RBFOX1: variants seen among roughly 807,000 people sequenced by gnomAD.
RBFOX1 encodes the protein RNA binding protein fox-1 homolog 1.
Under a neutral mutation model 57.7 loss-of-function variants are expected in RBFOX1, and 8 were observed. The ratio of observed to expected loss-of-function variants is 0.14; its 90% CI spans 0.08 to 0.25. The LOEUF (loss-of-function observed/expected upper bound fraction) is 0.25. RBFOX1 is among the 10% of genes least tolerant of loss of function. RBFOX1 has a pLI of 1.00. For missense variants in RBFOX1, 611 were observed against 548.5 expected, an observed-to-expected ratio of 1.11 and a Z score of -1.14; for synonymous variants, 326 against 222.4, an observed-to-expected ratio of 1.47 and a Z score of -4.15.
At chr16:5,403,764 A>G (rs1201063114) in intron 1 of RBFOX1, among the ~76,000 whole-genome samples, 3 of 152,148 alleles carry the variant, frequency 2.0e-5, no homozygotes, top group East Asian at 1.9e-4. Context: ...GATGTCTTCT[A>G]TGTTGGTGCT....
intron 1 of RBFOX1, among the ~76,000 whole-genome samples, chr16:6,301,961 C>T (rs1433524744): frequency 6.6e-6 from 1 of 152,034 alleles, no homozygotes; most frequent in Non-Finnish European, 1.5e-5. Context: ...GTAAATGCCC[C>T]AATATCAAAC....
intron 3 of RBFOX1, among the ~76,000 whole-genome samples, chr16:6,833,156 T>G (rs1175864752): frequency 6.6e-6 from 1 of 151,820 alleles, no homozygotes; most frequent in Non-Finnish European, 1.5e-5. Flanking sequence ...TTATTTTATT[T>G]TATTTTATTT....
intron 2 of RBFOX1, among the ~76,000 whole-genome samples, chr16:6,359,043 C>T (rs547879431): frequency 1.3e-3 from 193 of 152,216 alleles, no homozygotes; most frequent in African/African-American, 4.2e-3. Context: ...GAATTAATCC[C>T]TAATAACAAA....
intron 4 of RBFOX1, among the ~76,000 whole-genome samples, chr16:7,084,537 C>T (rs748792367): frequency 2.6e-5 from 4 of 152,020 alleles, no homozygotes; most frequent in African/African-American, 9.7e-5. Flanking sequence ...GCAGCAATGC[C>T]CCAAAAGAAA....
intron 3 of RBFOX1, among the ~76,000 whole-genome samples, chr16:6,670,144 G>A (rs949018299): frequency 6.6e-6 from 1 of 152,042 alleles, no homozygotes; most frequent in African/African-American, 2.4e-5. Flanking sequence ...GTACCAAGTG[G>A]GCATGTTGTA....
At chr16:5,839,287 A>G (rs1294570862) in intron 3 of RBFOX1, among the ~76,000 whole-genome samples, 2 of 152,168 alleles carry the variant, frequency 1.3e-5, no homozygotes, top group Non-Finnish European at 2.9e-5. Context: ...AATCACAGCA[A>G]ATCAGAACCA....
At chr16:5,727,585 C>T (rs1292921835) in intron 3 of RBFOX1, among the ~76,000 whole-genome samples, 5 of 152,194 alleles carry the variant, frequency 3.3e-5, no homozygotes, top group African/African-American at 9.7e-5. Context: ...CCAGAACTTA[C>T]TTATCTTTTA....
chr16:5,820,063 G>A (rs1463564148), intron 3 of RBFOX1, among the ~76,000 whole-genome samples: 1 of 152,324 alleles, frequency 6.6e-6, no homozygotes, highest in East Asian at 1.9e-4. Flanking sequence ...CACTCACTGT[G>A]TCTGAGACAT....
chr16:6,969,547 C>T (rs549798658), intron 3 of RBFOX1, among the ~76,000 whole-genome samples: 2 of 151,256 alleles, frequency 1.3e-5, no homozygotes, highest in African/African-American at 2.4e-5. Context: ...CCACACTGGG[C>T]AACAAAATGA....
At chr16:6,871,659 A>G (rs541730970) in intron 3 of RBFOX1, among the ~76,000 whole-genome samples, 37 of 150,498 alleles carry the variant, frequency 2.5e-4, no homozygotes, top group African/African-American at 8.8e-4. Flanking sequence ...CAACACTTCT[A>G]AACTGGCCTT....
chr16:5,504,073 A>T (rs1198882165), intron 2 of RBFOX1, among the ~76,000 whole-genome samples: 1 of 152,146 alleles, frequency 6.6e-6, no homozygotes, highest in South Asian at 2.1e-4. Context: ...CTGGAGCAGC[A>T]TCTCCAGAGG....
At chr16:7,133,081 C>T (rs918875430) in intron 4 of RBFOX1, among the ~76,000 whole-genome samples, 6 of 152,004 alleles carry the variant, frequency 3.9e-5, no homozygotes, top group African/African-American at 1.5e-4. Context: ...CTTATTATGG[C>T]AAAACTATTT....
chr16:7,665,075 G>T, intron 13 of RBFOX1, 107 bp downstream of exon 13: 1 of 1,602,470 alleles, frequency 6.2e-7, no homozygotes, highest in South Asian at 1.1e-5. Context: ...TTCTCTCCTT[G>T]GTCTGTAGGA....
intron 4 of RBFOX1, among the ~76,000 whole-genome samples, chr16:7,181,773 C>G (rs2082760673): frequency 6.6e-6 from 1 of 152,088 alleles, no homozygotes; most frequent in Non-Finnish European, 1.5e-5. Flanking sequence ...GTTACCCAGG[C>G]TGGTCTCAGA....
chr16:6,257,852 C>T (rs377252340), intron 1 of RBFOX1, among the ~76,000 whole-genome samples: 1 of 152,078 alleles, frequency 6.6e-6, no homozygotes, highest in African/African-American at 2.4e-5. Flanking sequence ...GTTTCCATGT[C>T]TTTTCTACTG....
At chr16:7,047,591 A>C (rs2048400838) in intron 3 of RBFOX1, among the ~76,000 whole-genome samples, 3 of 146,324 alleles carry the variant, frequency 2.1e-5, no homozygotes, top group South Asian at 2.3e-4. Context: ...TGTCAAATGT[A>C]GGAAGTTTTC....
At position 7,361,917 on chromosome 16, in the gene RBFOX1, CAT is replaced by C. The variant is rs113769792; in HGVS notation, c.28-156227_28-156226del. Among the ~76,000 whole-genome samples, 16 of 140,862 alleles carry C rather than the reference CAT, an allele frequency of 1.1e-4. 2 individuals are homozygous for C. Among genetic ancestry groups the C allele is most frequent in the African/African-American group, 3.8e-4 (14 of 37,030 alleles). The allele number at this position is 140,862 out of a possible 152,430, so 92.4% of individuals were successfully genotyped here. A position where few individuals can be genotyped will look rare whatever the true frequency, so the allele number is the denominator to read the frequency against. On this transcript the variant is annotated intron_variant, in intron 4 of 15. Coordinates refer to ENST00000550418, the MANE Select transcript of RBFOX1 (RefSeq NM_018723.4). ...ATGTGTATTTTTTTGTGTTAGTTTGCATATGTGTGTTAGTGTGTATGTGTGTG... is the reference window on the plus strand; with the variant it reads ...ATGTGTATTTTTTTGTGTTAGTTTGCATGTGTGTTAGTGTGTATGTGTGTG...
intron 1 of RBFOX1, among the ~76,000 whole-genome samples, chr16:6,270,570 C>A (rs1052934086): frequency 6.6e-6 from 1 of 151,270 alleles, no homozygotes; most frequent in African/African-American, 2.4e-5. Context: ...AAACACAGAG[C>A]TACACAATAT....
chr16:7,522,286 C>T (rs960698719), intron 5 of RBFOX1, among the ~76,000 whole-genome samples: 2 of 152,094 alleles, frequency 1.3e-5, no homozygotes, highest in Non-Finnish European at 2.9e-5. Flanking sequence ...AAGAGAAAGA[C>T]AAGGACAGAA....
Sources: gnomAD v4.1 joint callset for allele counts (sites outside exome capture counted in the v4.1 genomes callset) on GRCh38, gnomAD v4.1.1 for gene constraint, MANE v1.5 for transcripts, NCBI Gene and HGNC (gene_info 2026-07-23, HGNC 2026-07-21) for gene names.